The following ABCA9 variants were observed in gnomAD, a reference collection of about 807,000 sequenced individuals.
ABCA9 encodes ATP binding cassette subfamily A member 9, also known as ATP-binding cassette sub-family A member 9.
Under a neutral mutation model 205.3 loss-of-function variants are expected in ABCA9, and 183 were observed. The ratio of observed to expected loss-of-function variants is 0.89; its 90% CI spans 0.79 to 1.01. The LOEUF is 1.01. Among genes scored for constraint, ABCA9 ranks in the 50% least tolerant of loss-of-function variants. ABCA9 has a pLI of 0.00. For synonymous variants in ABCA9, 651 were observed against 683.3 expected, an observed-to-expected ratio of 0.95 and a Z score of 0.74; for missense variants, 1,805 against 1,912.4, an observed-to-expected ratio of 0.94 and a Z score of 1.05.
intron 6 of ABCA9, among the ~76,000 whole-genome samples, chr17:69,039,365 T>TA (rs1162035210): frequency 6.6e-6 from 1 of 151,630 alleles, no homozygotes. Flanking sequence ...CCAAAACAGA[T>TA]ATATAGACAA....
the ABCA9 span, among the ~76,000 whole-genome samples, chr17:69,067,561 G>GA: frequency 3.2e-3 from 240 of 76,156 alleles, no homozygotes; most frequent in African/African-American, 3.6e-3. Flanking sequence ...TGAGACCTTG[G>GA]AAAAAAAAAA....
chr17:69,064,872 C>A (rs929669108), upstream of ABCA9, among the ~76,000 whole-genome samples: 4 of 152,100 alleles, frequency 2.6e-5, no homozygotes, highest in Non-Finnish European at 4.4e-5. Flanking sequence ...TTTTTTTTTA[C>A]TATAACAAAT....
rs1454632801 is a variant in ABCA9, at chr17:69,023,467, T to C, written c.2281+747A>G. 6.6e-6 allele frequency among the ~76,000 whole-genome samples: 1 copy of C among 152,202 alleles called. No individual in the cohort carries two copies. On this transcript the variant is annotated intron_variant, in intron 17 of 38. Coordinates refer to ENST00000340001, the MANE Select transcript of ABCA9 (RefSeq NM_080283.4). This position sits in a 1 kb window ranked among gnomAD's most constrained non-coding sequence, Gnocchi z 4.2. The stretch of plus-strand genomic sequence containing the variant: ...GTTTGAATCTAGACTGGCTCTAGCA[T>C]TGAGTTTCAATCTCTGCACTTTATT...
intron 31 of ABCA9, among the ~76,000 whole-genome samples, chr17:68,988,166 C>T (rs1263575643): frequency 6.6e-6 from 1 of 152,170 alleles, no homozygotes; most frequent in South Asian, 2.1e-4. Context: ...GTGCGACCTT[C>T]CTTCATAAAC....
chr17:69,010,189 A>T (rs896364316), intron 23 of ABCA9, among the ~76,000 whole-genome samples: 6 of 151,592 alleles, frequency 4.0e-5, no homozygotes, highest in Non-Finnish European at 2.9e-5. Flanking sequence ...AAAAAAAAAA[A>T]GCAAAGGTTC....
At chr17:69,013,007 A>G (rs200276469) in intron 22 of ABCA9, among the ~76,000 whole-genome samples, 2 of 151,938 alleles carry the variant, frequency 1.3e-5, no homozygotes, top group East Asian at 3.9e-4. Context: ...TATTTAGCAT[A>G]GTGATCTCCA....
At chr17:69,061,134 T>C (rs765334695), upstream of ABCA9, 33 of 985,412 alleles carry the variant, frequency 3.3e-5, no homozygotes, top group Non-Finnish European at 3.9e-5. Flanking sequence ...AGGGAGTTTG[T>C]AGTTGCAGAT....
chr17:69,036,657 C>T (rs2144399005), intron 6 of ABCA9, among the ~76,000 whole-genome samples: 1 of 151,948 alleles, frequency 6.6e-6, no homozygotes, highest in South Asian at 2.1e-4. Flanking sequence ...ATCATGATGA[C>T]AGGATCAAAT....
chr17:68,997,783 G>A (rs1175930023), intron 25 of ABCA9, among the ~76,000 whole-genome samples: 1 of 152,010 alleles, frequency 6.6e-6, no homozygotes, highest in Non-Finnish European at 1.5e-5. Flanking sequence ...GAATTGATGA[G>A]CCTTATTGAC....
At chr17:69,002,031 G>A (rs1238114907) in intron 25 of ABCA9, among the ~76,000 whole-genome samples, 4 of 151,666 alleles carry the variant, frequency 2.6e-5, no homozygotes, top group African/African-American at 9.7e-5. Context: ...AATCTTGCTA[G>A]CGGTCTATCA....
At position 68,983,709 on chromosome 17, in the gene ABCA9, C is replaced by A. The variant is rs766785822; in HGVS notation, c.4640G>T (p.Arg1547Met). 13 of 1,614,010 alleles carry A rather than the reference C, an allele frequency of 8.1e-6. 1 individual carries two copies. In the South Asian group the frequency reaches 1.3e-4, roughly 16 times the overall value. The change falls in exon 36 of 39, where the codon AGG becomes ATG. Residue 1547 changes from arginine to methionine, a missense_variant and splice_region_variant. Coordinates refer to ENST00000340001, the MANE Select transcript of ABCA9 (RefSeq NM_080283.4). ...GATAAAACAAAACACCTGTGTCTAC[C>A]TTTCCTGCTGAGCAGCCTGGGGGAA... is the stretch of plus-strand genomic sequence containing the variant. ...RLFPQAAQQE[R>M]FSSLMVYKLP...
chr17:69,075,416 T>C, the ABCA9 span, among the ~76,000 whole-genome samples: 2 of 152,214 alleles, frequency 1.3e-5, no homozygotes, highest in South Asian at 2.1e-4. Flanking sequence ...GAGTTAAATT[T>C]TGTATATGGT....
chr17:68,979,199 TA>T (rs1171997978), intron 37 of ABCA9, among the ~76,000 whole-genome samples: 2 of 151,954 alleles, frequency 1.3e-5, no homozygotes, highest in African/African-American at 2.4e-5. Context: ...TCAAATAGAA[TA>T]AAATACCTAG....
Position 69,032,279 on chromosome 17 carries a change from A to C in ABCA9, c.1277-3T>G. On this transcript the variant is annotated splice_polypyrimidine_tract_variant and splice_region_variant and intron_variant, in intron 9 of 38. Transcript: ENST00000340001. The stretch of plus-strand genomic sequence containing the variant: ...AGAACATCGATGTCCATATTCAGCT[A>C]TGTGAGCAGGAGGCAATTGAATACT... 1 of 1,612,298 alleles carries C rather than the reference A, an allele frequency of 6.2e-7. No individual in the cohort carries two copies. Among genetic ancestry groups the C allele is most frequent in the Non-Finnish European group, 8.5e-7 (1 of 1,179,048 alleles).
chr17:69,035,719 CA>C lies in ABCA9; in HGVS notation c.882del (p.Ile294MetfsTer4). ...ACCATCACAAAACCAGTCAGGACGA[CA>C]ATTTGTGCAGATTTTACAATAAGAG... The part of the protein sequence containing the change: ...LMALIVKSAQ[I>X]VVLTGFVMVF... On this transcript the variant is annotated frameshift_variant, in exon 7 of 39. Transcript: ENST00000340001. LOFTEE classifies it high-confidence loss of function. 6.2e-7 allele frequency: 1 copy of C among 1,613,626 alleles called. No homozygotes were observed. The highest frequency in any genetic ancestry group is 8.5e-7 in the Non-Finnish European group (1 of 1,179,796).
intron 32 of ABCA9, among the ~76,000 whole-genome samples, chr17:68,985,636 CA>C (rs1013738305): frequency 2.0e-5 from 3 of 151,662 alleles, no homozygotes; most frequent in African/African-American, 7.3e-5. Flanking sequence ...ACAAAACAAA[CA>C]AAAACCAAGA....
chr17:68,976,141 C>CA lies in ABCA9; in HGVS notation c.4769dup (p.Glu1591GlyfsTer15), dbSNP rs779274342. The stretch of plus-strand genomic sequence containing the variant: ...ATCACTAAAAATGACCCACCTGCTC[C>CA]AGGGTAGACTGTGAGAGGCTGTACT... On this transcript the variant is annotated frameshift_variant, in exon 38 of 39. Coordinates refer to ENST00000340001, the MANE Select transcript of ABCA9 (RefSeq NM_080283.4). LOFTEE classifies it high-confidence loss of function. The CA allele has an allele frequency of 4.3e-6, 7 of 1,613,966 alleles. No individual in the cohort carries two copies. The South Asian group carries it at 5.5e-5, about 13-fold the overall frequency.
In ABCA9 at chr17:69,045,274, T is replaced by C. The variant is rs777113836; in HGVS notation, c.367A>G (p.Ile123Val). Residue 123 changes from isoleucine (I) to valine (V), a missense_variant, in exon 4 of 39, where the codon ATA (isoleucine) becomes GTA (valine). Physicochemically the swap from Ile to Val is conservative, Grantham distance 29. Coordinates refer to ENST00000340001, the MANE Select transcript of ABCA9 (RefSeq NM_080283.4). ...SMDELDLNYS[I>V]DAVRVIFTDT... ...GTAAAGATGACTCTCACTGCGTCTA[T>C]TGAATAGTTCAAATCCAATTCATCC... 134 of 1,613,266 alleles carry C rather than the reference T, an allele frequency of 8.3e-5. No individual in the cohort carries two copies. Among genetic ancestry groups the C allele is most frequent in the Non-Finnish European group, 1.0e-4 (122 of 1,179,586 alleles).
intron 37 of ABCA9, among the ~76,000 whole-genome samples, chr17:68,981,999 T>C (rs529003098): frequency 6.6e-5 from 10 of 152,186 alleles, no homozygotes; most frequent in Non-Finnish European, 1.3e-4. Context: ...CCCTGATACA[T>C]TGATGCAGTA....
Sources: allele counts gnomAD v4.1 joint callset (sites outside exome capture counted in the v4.1 genomes callset), GRCh38; gene constraint gnomAD v4.1.1; non-coding constraint Gnocchi (gnomAD v3.1); transcripts MANE v1.5; gene names NCBI Gene and HGNC (gene_info 2026-07-23, HGNC 2026-07-21).